CFAP100: variants seen among roughly 807,000 people sequenced by gnomAD.
CFAP100 encodes cilia and flagella associated protein 100.
Under a neutral mutation model 81.5 loss-of-function variants are expected in CFAP100, and 70 were observed. That is an observed-to-expected ratio of 0.86 (90% confidence interval 0.71 to 1.05). CFAP100 has a LOEUF of 1.05. Among genes scored for constraint, CFAP100 ranks in the 50% least tolerant of loss-of-function variants. The pLI, the probability that CFAP100 is intolerant of heterozygous loss-of-function variation, is 0.00. For synonymous variants in CFAP100, 341 were observed against 314.8 expected (o/e 1.08, Z -0.88); for missense variants, 811 against 776.5 (o/e 1.04, Z -0.53).
chr3:126,407,528 A>G (rs2083085323), intron 3 of CFAP100, among the ~76,000 whole-genome samples: 1 of 152,180 alleles, frequency 6.6e-6, no homozygotes, highest in African/African-American at 2.4e-5. Flanking sequence ...CAGGTCCCCA[A>G]GTCTCTCTGC....
At chr3:126,428,707 C>G (rs1322700488) in intron 13 of CFAP100, among the ~76,000 whole-genome samples, 1 of 152,046 alleles carries the variant, frequency 6.6e-6, no homozygotes. Flanking sequence ...GGATATTGGC[C>G]TAAGTTTTCT....
In CFAP100 at chr3:126,423,852, C is replaced by T. The variant is rs180881112; in HGVS notation, c.1286+208C>T. On this transcript the variant is annotated intron_variant, in intron 13 of 16. Transcript: ENST00000352312. ...GAGCTGGGGGTGGGCAGGGCCCAGG[C>T]ACCCGTGCCCACCCTGAAGCAGCCC... Among the ~76,000 whole-genome samples the T allele has an allele frequency of 8.9e-3, 1,363 of 152,348 alleles. 8 individuals are homozygous for T. Among genetic ancestry groups the T allele is most frequent in the Admixed American group, 0.015 (231 of 15,308 alleles).
At chr3:126,398,275 A>G (rs1202172107) in intron 2 of CFAP100, among the ~76,000 whole-genome samples, 8 of 152,172 alleles carry the variant, frequency 5.3e-5, no homozygotes, top group Non-Finnish European at 1.2e-4. Flanking sequence ...CAGGAGAGGC[A>G]CTGGGGTCGC....
chr3:126,424,647 G>A (rs577499919), intron 13 of CFAP100, among the ~76,000 whole-genome samples: 1 of 152,376 alleles, frequency 6.6e-6, no homozygotes, highest in East Asian at 1.9e-4. Flanking sequence ...TCTAAGCTCT[G>A]CAAGGATAAA....
At position 126,431,836 on chromosome 3, in the gene CFAP100, G is replaced by A. The variant is rs772554713; in HGVS notation, c.1287-1233G>A. On this transcript the variant is annotated intron_variant, in intron 13 of 16. Coordinates refer to ENST00000352312, the MANE Select transcript of CFAP100 (RefSeq NM_182628.3). ...CTTTATGTGCACTTGAATCCCCCAG[G>A]GATCTTAAAATGAAGTTTCTGATTC... Among the ~76,000 whole-genome samples, 4 of 152,188 alleles carry A rather than the reference G, an allele frequency of 2.6e-5. No individual in the cohort carries two copies. The Middle Eastern group carries it at 0.014, about 518-fold the overall frequency.
chr3:126,406,895 T>C (rs769463696), intron 2 of CFAP100, among the ~76,000 whole-genome samples: 1 of 152,208 alleles, frequency 6.6e-6, no homozygotes, highest in Non-Finnish European at 1.5e-5. Flanking sequence ...ACTGCTACTC[T>C]TAAGGAACAC....
At chr3:126,423,685 C>G (rs1399309005) in intron 13 of CFAP100, 41 bp downstream of exon 13, 6 of 1,611,206 alleles carry the variant, frequency 3.7e-6, no homozygotes, top group Admixed American at 1.7e-5. Context: ...CCCTGCCGCT[C>G]TCATCCTGGG....
rs770463887 is a variant in CFAP100 at position 126,420,001 on chromosome 3, C to T, written c.935C>T (p.Ala312Val). 15 of 1,613,022 alleles carry T rather than the reference C, an allele frequency of 9.3e-6. No homozygotes were observed. The highest frequency in any genetic ancestry group is 4.5e-5 in the East Asian group (2 of 44,890). Reference protein sequence around the residue: ...GDKGPGIKGKASSMWAKEGQG... With the variant: ...GDKGPGIKGKVSSMWAKEGQG... ...GCAGGACCAGGGATCAAGGGCAAGG[C>T]GAGCTCCATGTGGGCCAAAGGTGAG... The change falls in exon 10 of 17, where the codon GCG becomes GTG. Residue 312 changes from alanine to valine, a missense_variant. Physicochemically the swap from Ala to Val is moderately conservative, Grantham distance 64. Coordinates refer to ENST00000352312, the MANE Select transcript of CFAP100 (RefSeq NM_182628.3).
chr3:126,425,271 C>G (rs1012178854), intron 13 of CFAP100, among the ~76,000 whole-genome samples: 1 of 152,220 alleles, frequency 6.6e-6, no homozygotes, highest in Non-Finnish European at 1.5e-5. Flanking sequence ...TACTTTGTTT[C>G]CAGGGGAGTC....
intron 13 of CFAP100, among the ~76,000 whole-genome samples, chr3:126,431,432 AG>A (rs1488639984): frequency 1.3e-5 from 2 of 152,216 alleles, no homozygotes; most frequent in Non-Finnish European, 2.9e-5. Context: ...CAGGCCAATG[AG>A]ATCTCTTTCA....
chr3:126,430,263 A>G (rs1424657769), intron 13 of CFAP100, among the ~76,000 whole-genome samples: 1 of 152,200 alleles, frequency 6.6e-6, no homozygotes, highest in Non-Finnish European at 1.5e-5. Flanking sequence ...GTACAAATAT[A>G]AAGTTGGATA....
rs765459619 is a variant in CFAP100, at chr3:126,418,645, G to A, written c.521G>A (p.Arg174Gln). 1.9e-5 allele frequency: 30 copies of A among 1,591,426 alleles called. No individual in the cohort carries two copies. Among genetic ancestry groups the A allele is most frequent in the African/African-American group, 5.4e-5 (4 of 73,974 alleles). Residue 174 changes from arginine to glutamine, a missense_variant, in exon 7 of 17, where the codon CGG becomes CAG. By Grantham distance (43) the Arg-to-Gln change is conservative. Coordinates refer to ENST00000352312, the MANE Select transcript of CFAP100 (RefSeq NM_182628.3). ...ALDVKRREIQ[R>Q]LETLATKEEA... ...GATGTCAAGCGGAGAGAGATCCAGC[G>A]GCTGGAGACGCTGGCGACCAAAGAG...
intron 3 of CFAP100, among the ~76,000 whole-genome samples, chr3:126,411,411 G>A (rs1287319469): frequency 3.0e-5 from 3 of 98,868 alleles, no homozygotes; most frequent in African/African-American, 7.5e-5. Flanking sequence ...CCTGGTTTTG[G>A]TATCAGGGTG....
At chr3:126,433,620 T>C in intron 14 of CFAP100, 1 of 201,144 alleles carries the variant, frequency 5.0e-6, no homozygotes, top group Admixed American at 5.4e-5. Context: ...CCTGACAGCC[T>C]GGGGCCACCC....
chr3:126,400,535 C>T (rs1420425611), intron 2 of CFAP100, among the ~76,000 whole-genome samples: 7 of 151,964 alleles, frequency 4.6e-5, no homozygotes, highest in East Asian at 1.9e-4. Flanking sequence ...GGGCGGATCA[C>T]GAGGTCAGGA....
At position 126,401,504 on chromosome 3, in the gene CFAP100, C is replaced by T. The variant is rs1199353123; in HGVS notation, c.49+5455C>T. Among the ~76,000 whole-genome samples, 3 of 143,120 alleles carry T rather than the reference C, an allele frequency of 2.1e-5. No homozygotes were observed. The Admixed American group carries it at 2.2e-4, about 10-fold the overall frequency. 93.9% of individuals were successfully genotyped at this position (143,120 alleles called of 152,430 possible). ...AAATGTGTTAAATAAGTGAAGTAAA[C>T]AACTAAATAGACAGGATGGTTCCCA... On this transcript the variant is annotated intron_variant, in intron 2 of 16. Coordinates refer to ENST00000352312, the MANE Select transcript of CFAP100 (RefSeq NM_182628.3).
chr3:126,426,462 A>G (rs961080340), intron 13 of CFAP100, among the ~76,000 whole-genome samples: 1 of 151,458 alleles, frequency 6.6e-6, no homozygotes, highest in Non-Finnish European at 1.5e-5. Context: ...CTTAAAAAAA[A>G]AAAAAAAGGC....
Position 126,418,448 on chromosome 3 carries a change from C to T in CFAP100, c.419-10C>T. The stretch of plus-strand genomic sequence containing the variant: ...TCCCGCTCCTGCTCACCTCCCTCTT[C>T]TTCCAGCAGAAAAGAATGTGGAGCC... On this transcript the variant is annotated splice_polypyrimidine_tract_variant and intron_variant, in intron 5 of 16. Transcript: ENST00000352312. 3.7e-6 allele frequency: 6 copies of T among 1,613,968 alleles called. No individual in the cohort carries two copies. In the South Asian group the frequency reaches 5.5e-5, roughly 15 times the overall value.
At chr3:126,422,484 C>T (rs1388083464) in intron 11 of CFAP100, among the ~76,000 whole-genome samples, 4 of 130,426 alleles carry the variant, frequency 3.1e-5, no homozygotes, top group African/African-American at 1.1e-4. Flanking sequence ...GGCAAGCCAG[C>T]GCAGCCCCCC....
Sources: allele counts gnomAD v4.1 joint callset (sites outside exome capture counted in the v4.1 genomes callset), GRCh38; gene constraint gnomAD v4.1.1; transcripts MANE v1.5; gene names NCBI Gene and HGNC (gene_info 2026-07-23, HGNC 2026-07-21).